Variants in IRGQ observed in about 807,000 individuals in gnomAD.
The protein encoded by IRGQ is immunity-related GTPase family Q protein.
A neutral mutation model predicts 10.5 loss-of-function variants in IRGQ; 5 were observed. The ratio of observed to expected loss-of-function variants is 0.48; its 90% CI spans 0.25 to 1.00. IRGQ has a LOEUF of 1.00. Among genes scored for constraint, IRGQ ranks in the 50% least tolerant of loss-of-function variants. The pLI, the probability that IRGQ is intolerant of heterozygous loss-of-function variation, is 0.16. For synonymous variants in IRGQ, 418 were observed against 426.0 expected, an observed-to-expected ratio of 0.98 and a Z score of 0.23; for missense variants, 792 against 877.7, an observed-to-expected ratio of 0.90 and a Z score of 1.23.
At position 43,590,028 on chromosome 19, in the gene IRGQ, G is replaced by A. The variant is rs1288753367; in HGVS notation, c.*1998C>T. ...TAATCCCAGCACTTTGGGAGTCTGA[G>A]TCGGGTGGATCACCTGAGGTCAGGA... On this transcript the variant is annotated 3_prime_UTR_variant, in exon 3 of 3. Transcript: ENST00000422989. The A allele has an allele frequency of 6.6e-6, 1 of 152,286 alleles. No individual in the cohort carries two copies. Among genetic ancestry groups the A allele is most frequent in the African/African-American group, 2.4e-5 (1 of 41,454 alleles). 9.4% of individuals were successfully genotyped at this position (152,286 alleles called of 1,614,324 possible). A position where few individuals can be genotyped will look rare whatever the true frequency, so the allele number is the denominator to read the frequency against.
In IRGQ at chr19:43,593,219, G is replaced by C. The variant is rs767952058; in HGVS notation, c.679C>G (p.Leu227Val). 76 of 1,582,350 alleles carry C rather than the reference G, an allele frequency of 4.8e-5. No individual in the cohort carries two copies. The highest frequency in any genetic ancestry group is 6.4e-5 in the Non-Finnish European group (74 of 1,161,822). ...LERLGSARLD[L>V]AVAGKADVGL... ...ACGTCAGCCTTGCCAGCCACGGCCA[G>C]GTCTAGCCGTGCGCTGCCCAGGCGC... is the stretch of plus-strand genomic sequence containing the variant. The change falls in exon 3 of 3, where the codon CTG (leucine) becomes GTG (valine). Residue 227 changes from leucine (L) to valine (V), a missense_variant. Coordinates refer to ENST00000422989, the MANE Select transcript of IRGQ (RefSeq NM_001007561.3). The surrounding 1 kb of genome is among the most constrained non-coding windows in gnomAD (Gnocchi z 6.4).
Position 43,592,789 on chromosome 19 carries a change from CTTCCCTTACTGA to C in IRGQ, c.1097_1108del (p.Leu366_Gly369del). The C allele has an allele frequency of 6.2e-7, 1 of 1,613,958 alleles. No homozygotes were observed. Among genetic ancestry groups the C allele is most frequent in the Non-Finnish European group, 8.5e-7 (1 of 1,180,046 alleles). On this transcript the variant is annotated inframe_deletion, in exon 3 of 3. Transcript: ENST00000422989. ...CTGCGATCCAGCGCTACATTTCTCC[CTTCCCTTACTGA>C]GTGCATTCTCCAATCCCCCTCCACC...
chr19:43,590,427 A>T lies in IRGQ; in HGVS notation c.*1599T>A, dbSNP rs1314505897. On this transcript the variant is annotated 3_prime_UTR_variant, in exon 3 of 3. Coordinates refer to ENST00000422989, the MANE Select transcript of IRGQ (RefSeq NM_001007561.3). ...ACACTGAAGAATTCTGTAACCTGCA[A>T]CTTTTCCCCCACATGTGGCTAGCAG... 1.3e-5 allele frequency: 2 copies of T among 152,214 alleles called. No homozygotes were observed. Among genetic ancestry groups the T allele is most frequent in the African/African-American group, 4.8e-5 (2 of 41,454 alleles). The allele number at this position is 152,214 out of a possible 1,614,324, so 9.4% of individuals were successfully genotyped here. A position where few individuals can be genotyped will look rare whatever the true frequency, so the allele number is the denominator to read the frequency against.
Position 43,593,393 on chromosome 19 carries a change from C to A in IRGQ, c.531-26G>T. 6.7e-7 allele frequency: 1 copy of A among 1,490,772 alleles called. No individual in the cohort carries two copies. The highest frequency in any genetic ancestry group is 1.4e-5 in the South Asian group (1 of 70,082). The allele number at this position is 1,490,772 out of a possible 1,614,324, so 92.3% of individuals were successfully genotyped here. Reference sequence around the variant, plus strand: ...CTGTGGGGACAAGAAGGGACAGGGTCAAAGGTAGAAGAGGGGCTGGGTGAC... The same window carrying A: ...CTGTGGGGACAAGAAGGGACAGGGTAAAAGGTAGAAGAGGGGCTGGGTGAC... On this transcript the variant is annotated intron_variant, in intron 2 of 2. Coordinates refer to ENST00000422989, the MANE Select transcript of IRGQ (RefSeq NM_001007561.3). The surrounding 1 kb of genome is among the most constrained non-coding windows in gnomAD (Gnocchi z 6.4).
At position 43,595,305 on chromosome 19, in the gene IRGQ, A is replaced by G. The variant is rs566261946; in HGVS notation, c.34T>C (p.Phe12Leu). ...TTCCCCAAGCCCGGAGGCCCCAGGA[A>G]CAAGGCGGTCACGTCACCCTGCGGC... ...PPPQGDVTAL[F>L]LGPPGLGKSA... The change falls in exon 2 of 3, where the codon TTC becomes CTC. Residue 12 changes from phenylalanine to leucine, a missense_variant. By Grantham distance (22) the Phe-to-Leu change is conservative. Coordinates refer to ENST00000422989, the MANE Select transcript of IRGQ (RefSeq NM_001007561.3). 76 of 1,579,684 alleles carry G rather than the reference A, an allele frequency of 4.8e-5. 3 individuals are homozygous for G. The South Asian group carries it at 8.1e-4, about 17-fold the overall frequency.
rs1387131635 is a variant in IRGQ, at chr19:43,587,374, C to A, written c.*4652G>T. 1 of 151,868 alleles carries A rather than the reference C, an allele frequency of 6.6e-6. No homozygotes were observed. The highest frequency in any genetic ancestry group is 2.4e-5 in the African/African-American group (1 of 41,322). The allele number at this position is 151,868 out of a possible 1,614,324, so 9.4% of individuals were successfully genotyped here. ...CAGCAACTTGGTCAACATAACCAGA[C>A]CTGCATCTTTACTTAAAAAAAAAAT... is the stretch of plus-strand genomic sequence containing the variant. On this transcript the variant is annotated 3_prime_UTR_variant, in exon 3 of 3. Coordinates refer to ENST00000422989, the MANE Select transcript of IRGQ (RefSeq NM_001007561.3).
chr19:43,587,038 G>C lies in IRGQ; in HGVS notation c.*4988C>G, dbSNP rs1696245556. ...TTTTAAGTTGTATTTACTTTTAATT[G>C]AACAGCTGAGGCCAGGTGTGGTGGC... On this transcript the variant is annotated 3_prime_UTR_variant, in exon 3 of 3. Transcript: ENST00000422989. The C allele has an allele frequency of 2.0e-5, 3 of 152,176 alleles. No individual in the cohort carries two copies. The South Asian group carries it at 6.2e-4, about 31-fold the overall frequency. The allele number at this position is 152,176 out of a possible 1,614,324, so 9.4% of individuals were successfully genotyped here.
rs906354863 is a variant in IRGQ, at chr19:43,586,937, C to G, written c.*5089G>C. 1.3e-5 allele frequency: 2 copies of G among 152,210 alleles called. No homozygotes were observed. Among genetic ancestry groups the G allele is most frequent in the Non-Finnish European group, 2.9e-5 (2 of 68,036 alleles). 9.4% of individuals were successfully genotyped at this position (152,210 alleles called of 1,614,324 possible). The stretch of plus-strand genomic sequence containing the variant: ...TTGATGGAAGTATTCTGTACCTTCC[C>G]TGTCCAATACCATAGCCACTAATCA... On this transcript the variant is annotated 3_prime_UTR_variant, in exon 3 of 3. Transcript: ENST00000422989.
At chr19:43,594,781 C>A (rs775977024) in intron 2 of IRGQ, 28 bp downstream of exon 2, 3 of 1,571,072 alleles carry the variant, frequency 1.9e-6, no homozygotes, top group South Asian at 2.3e-5. Flanking sequence ...TCTCGACTAA[C>A]GGACCCAGCC....
At position 43,592,839 on chromosome 19, in the gene IRGQ, G is replaced by A; in HGVS notation, c.1059C>T (p.Ser353=). The A allele has an allele frequency of 6.2e-7, 1 of 1,614,020 alleles. No individual in the cohort carries two copies. Among genetic ancestry groups the A allele is most frequent in the Non-Finnish European group, 8.5e-7 (1 of 1,180,040 alleles). ...EGKMENPKGE[S]LKNAGGGGLE... ...ATCCCCCTCCACCTGCGTTCTTTAA[G>A]CTCTCGCCCTTGGGATTCTCCATCT... Residue 353 remains serine, a synonymous_variant, in exon 3 of 3, where the codon AGC becomes AGT. Coordinates refer to ENST00000422989, the MANE Select transcript of IRGQ (RefSeq NM_001007561.3).
At chr19:43,594,668 T>TTATACA in intron 2 of IRGQ, 141 bp downstream of exon 2, 1 of 622,564 alleles carries the variant, frequency 1.6e-6, no homozygotes, top group Non-Finnish European at 2.5e-6. Flanking sequence ...ACCCTGTCTC[T>TTATACA]CAGGAAAAAA....
chr19:43,592,402 C>T lies in IRGQ; in HGVS notation c.1496G>A (p.Gly499Glu). The T allele has an allele frequency of 6.3e-7, 1 of 1,577,178 alleles. No homozygotes were observed. Among genetic ancestry groups the T allele is most frequent in the Non-Finnish European group, 8.5e-7 (1 of 1,169,616 alleles). Reference sequence around the variant, plus strand: ...TGCCACGTCGCATGCCCAGCCCAGCCCTGGGAGTGGTGCCGCCGCCGCCGC... The same window carrying T: ...TGCCACGTCGCATGCCCAGCCCAGCTCTGGGAGTGGTGCCGCCGCCGCCGC... ...SLAAAAAPLP[G>E]LGWACDVALL... is the part of the protein sequence containing the mutation. The change falls in exon 3 of 3, where the codon GGG becomes GAG. Residue 499 changes from glycine (G) to glutamate (E), a missense_variant. Physicochemically the swap from Gly to Glu is moderately conservative, Grantham distance 98. Transcript: ENST00000422989.
In IRGQ at chr19:43,592,584, T is replaced by C; in HGVS notation, c.1314A>G (p.Gly438=). ...PPPVFPLRPG[G]LPGLCEWLRR... ...GCAGCCATTCGCATAGCCCTGGGAG[T>C]CCGCCAGGCCGTAGGGGGAACACTG... is the stretch of plus-strand genomic sequence containing the variant. Residue 438 remains glycine (G), a synonymous_variant, in exon 3 of 3, where the codon GGA becomes GGG. Transcript: ENST00000422989. The C allele has an allele frequency of 6.3e-7, 1 of 1,599,674 alleles. No homozygotes were observed. The highest frequency in any genetic ancestry group is 1.1e-5 in the South Asian group (1 of 91,030).
chr19:43,592,652 GGCTTAAC>G lies in IRGQ; in HGVS notation c.1239_1245del (p.Leu414ArgfsTer136), dbSNP rs750660114. On this transcript the variant is annotated frameshift_variant, in exon 3 of 3. Coordinates refer to ENST00000422989, the MANE Select transcript of IRGQ (RefSeq NM_001007561.3). LOFTEE classifies it low-confidence loss of function (END_TRUNC). ...AGCACCTCCCACGTCTCGTCCTCCG[GGCTTAAC>G]GCAGCGGCCCGCTCTGAGTCGCCAC... is the stretch of plus-strand genomic sequence containing the variant. 1 of 1,605,128 alleles carries G rather than the reference GGCTTAAC, an allele frequency of 6.2e-7. No homozygotes were observed. Among genetic ancestry groups the G allele is most frequent in the East Asian group, 2.2e-5 (1 of 44,856 alleles).
chr19:43,594,638 A>G (rs1205579527), intron 2 of IRGQ, among the ~76,000 whole-genome samples, 171 bp downstream of exon 2: 1 of 152,112 alleles, frequency 6.6e-6, no homozygotes, highest in Non-Finnish European at 1.5e-5. Flanking sequence ...GTTCAAATTC[A>G]ACCTAGCCAA....
Position 43,593,380 on chromosome 19 carries a change from G to GA in IRGQ, c.531-14dup. Reference sequence around the variant, plus strand: ...CGGTGGCAGGAGCCTGTGGGGACAAGAAGGGACAGGGTCAAAGGTAGAAGA... The same window carrying GA: ...CGGTGGCAGGAGCCTGTGGGGACAAGAAAGGGACAGGGTCAAAGGTAGAAGA... On this transcript the variant is annotated splice_polypyrimidine_tract_variant and intron_variant, in intron 2 of 2. Coordinates refer to ENST00000422989, the MANE Select transcript of IRGQ (RefSeq NM_001007561.3). The surrounding 1 kb of genome is among the most constrained non-coding windows in gnomAD (Gnocchi z 6.4). 6.6e-7 allele frequency: 1 copy of GA among 1,505,788 alleles called. No homozygotes were observed. The highest frequency in any genetic ancestry group is 8.9e-7 in the Non-Finnish European group (1 of 1,126,060). 93.3% of individuals were successfully genotyped at this position (1,505,788 alleles called of 1,614,324 possible).
Position 43,592,557 on chromosome 19 carries a change from C to T in IRGQ, c.1341G>A (p.Arg447=). 2 of 1,597,534 alleles carry T rather than the reference C, an allele frequency of 1.3e-6. No individual in the cohort carries two copies. Among genetic ancestry groups the T allele is most frequent in the Non-Finnish European group, 1.7e-6 (2 of 1,178,810 alleles). The change falls in exon 3 of 3, where the codon CGG becomes CGA. Residue 447 remains arginine (R), a synonymous_variant. Coordinates refer to ENST00000422989, the MANE Select transcript of IRGQ (RefSeq NM_001007561.3). ...CTGCCTGGGCTGGGGGGAGCGCTCG[C>T]CGCAGCCATTCGCATAGCCCTGGGA... ...GGLPGLCEWL[R]RALPPAQAGA...
Position 43,591,876 on chromosome 19 carries a change from G to T in IRGQ, c.*150C>A. 1 of 608,050 alleles carries T rather than the reference G, an allele frequency of 1.6e-6. No homozygotes were observed. The highest frequency in any genetic ancestry group is 2.6e-6 in the Non-Finnish European group (1 of 387,680). 37.7% of individuals were successfully genotyped at this position (608,050 alleles called of 1,614,324 possible). ...AAAAGAAAAAAAAAAAAAAAAATCAGGATTCCTGTCCCCCAGACTCTCTGA... is the reference window on the plus strand; with the variant it reads ...AAAAGAAAAAAAAAAAAAAAAATCATGATTCCTGTCCCCCAGACTCTCTGA... On this transcript the variant is annotated 3_prime_UTR_variant, in exon 3 of 3. Coordinates refer to ENST00000422989, the MANE Select transcript of IRGQ (RefSeq NM_001007561.3).
Position 43,592,057 on chromosome 19 carries a change from G to C in IRGQ, c.1841C>G (p.Ala614Gly). 2 of 1,610,154 alleles carry C rather than the reference G, an allele frequency of 1.2e-6. No individual in the cohort carries two copies. Among genetic ancestry groups the C allele is most frequent in the Non-Finnish European group, 1.7e-6 (2 of 1,178,080 alleles). ...ALDEMRADAE[A>G]VLAPPEPAQ Reference sequence around the variant, plus strand: ...GGCAGGCTCAGGGGGTGCCAGCACAGCCTCAGCATCAGCCCGCATCTCATC... The same window carrying C: ...GGCAGGCTCAGGGGGTGCCAGCACACCCTCAGCATCAGCCCGCATCTCATC... The change falls in exon 3 of 3, where the codon GCT (alanine) becomes GGT (glycine). Residue 614 changes from alanine to glycine, a missense_variant. Ala to Gly is a moderately conservative substitution (Grantham distance 60). Coordinates refer to ENST00000422989, the MANE Select transcript of IRGQ (RefSeq NM_001007561.3).
Sources: allele counts gnomAD v4.1 joint callset (sites outside exome capture counted in the v4.1 genomes callset), GRCh38; gene constraint gnomAD v4.1.1; non-coding constraint Gnocchi (gnomAD v3.1); transcripts MANE v1.5; gene names NCBI Gene and HGNC (gene_info 2026-07-23, HGNC 2026-07-21).